VPS8: variants seen among roughly 807,000 people sequenced by gnomAD.
The protein encoded by VPS8 is vacuolar protein sorting-associated protein 8 homolog.
In VPS8, 129 loss-of-function variants were observed where a neutral mutation model predicts 216.4. The ratio of observed to expected loss-of-function variants is 0.60; its 90% CI spans 0.52 to 0.69. VPS8 has a LOEUF of 0.69. Among genes scored for constraint, VPS8 ranks in the 30% least tolerant of loss-of-function variants. VPS8 has a pLI of 0.00. For missense variants in VPS8, 1,531 were observed against 1,683.5 expected (o/e 0.91, Z 1.59); for synonymous variants, 571 against 565.4 (o/e 1.01, Z -0.14).
At chr3:184,982,478 A>G in intron 40 of VPS8, 88 bp from the exon 41 acceptor site, 1 of 929,692 alleles carries the variant, frequency 1.1e-6, no homozygotes, top group Non-Finnish European at 1.7e-6. Context: ...CAACCTGTAA[A>G]ACATCATGCT....
At position 184,925,053 on chromosome 3, in the gene VPS8, T is replaced by C. The variant is rs920565448; in HGVS notation, c.2574+72T>C. ...CGCACAGTTCCCTGGATTACACTGT[T>C]TCCTGATGTGACAGACTATTGGGTA... On this transcript the variant is annotated intron_variant, in intron 30 of 47. Coordinates refer to ENST00000625842, the MANE Select transcript of VPS8 (RefSeq NM_001009921.3). 1.6e-5 allele frequency: 24 copies of C among 1,518,238 alleles called. No homozygotes were observed. In the African/African-American group the frequency reaches 3.3e-4, roughly 21 times the overall value. The allele number at this position is 1,518,238 out of a possible 1,614,324, so 94.0% of individuals were successfully genotyped here. A position where few individuals can be genotyped will look rare whatever the true frequency, so the allele number is the denominator to read the frequency against.
At chr3:184,892,608 A>G (rs1308211332) in intron 22 of VPS8, among the ~76,000 whole-genome samples, 1 of 152,234 alleles carries the variant, frequency 6.6e-6, no homozygotes, top group Non-Finnish European at 1.5e-5. Context: ...GAATATAAAA[A>G]AAATTTTATT....
At chr3:185,023,434 C>A (rs1756925002) in intron 45 of VPS8, among the ~76,000 whole-genome samples, 1 of 152,098 alleles carries the variant, frequency 6.6e-6, no homozygotes, top group Non-Finnish European at 1.5e-5. Flanking sequence ...GCAGCTCATG[C>A]CTGTAATCCC....
At chr3:184,858,724 T>C (rs1426500397) in intron 14 of VPS8, among the ~76,000 whole-genome samples, 2 of 152,178 alleles carry the variant, frequency 1.3e-5, no homozygotes, top group African/African-American at 4.8e-5. Flanking sequence ...TAAGCAGATA[T>C]TATTGTTCTT....
rs760698784 is a variant in VPS8 at position 184,982,559 on chromosome 3, A to G, written c.3421-7A>G. ...TTCTTTTTCTTTGATTTTCTCTGACATTATAGGCACTTTGGTTTCCGTTAT... is the reference window on the plus strand; with the variant it reads ...TTCTTTTTCTTTGATTTTCTCTGACGTTATAGGCACTTTGGTTTCCGTTAT... On this transcript the variant is annotated splice_polypyrimidine_tract_variant and splice_region_variant and intron_variant, in intron 40 of 47. Coordinates refer to ENST00000625842, the MANE Select transcript of VPS8 (RefSeq NM_001009921.3). 1.5e-5 allele frequency: 24 copies of G among 1,601,262 alleles called. No homozygotes were observed. The highest frequency in any genetic ancestry group is 2.0e-5 in the Non-Finnish European group (24 of 1,175,034).
chr3:184,928,988 CAATT>C (rs940875706), intron 32 of VPS8, among the ~76,000 whole-genome samples: 7 of 152,136 alleles, frequency 4.6e-5, no homozygotes, highest in African/African-American at 1.4e-4. Flanking sequence ...TGTAAATTAT[CAATT>C]AATATCTAAC....
At chr3:184,900,878 A>G (rs761588364) in intron 24 of VPS8, 43 bp from the exon 25 acceptor site, 1 of 1,514,932 alleles carries the variant, frequency 6.6e-7, no homozygotes, top group Admixed American at 1.9e-5. Flanking sequence ...AAATAATATC[A>G]TTTGAGATGA....
chr3:184,955,116 TC>T (rs1170478064), intron 36 of VPS8, among the ~76,000 whole-genome samples: 1 of 152,110 alleles, frequency 6.6e-6, no homozygotes, highest in African/African-American at 2.4e-5. Flanking sequence ...GAGTCTCCTT[TC>T]CTTGGAGGAG....
chr3:184,937,451 T>A (rs149601412), intron 35 of VPS8, among the ~76,000 whole-genome samples: 1 of 152,364 alleles, frequency 6.6e-6, no homozygotes, highest in Non-Finnish European at 1.5e-5. Context: ...TGCTCTACTC[T>A]CTACCAGTGT....
intron 39 of VPS8, among the ~76,000 whole-genome samples, chr3:184,967,707 C>G (rs1172752863): frequency 2.0e-5 from 3 of 151,880 alleles, no homozygotes; most frequent in African/African-American, 7.3e-5. Context: ...TGTGGTGGCA[C>G]ACACCTGTAG....
chr3:184,911,311 T>C (rs1375346041), intron 25 of VPS8, among the ~76,000 whole-genome samples: 8 of 152,226 alleles, frequency 5.3e-5, no homozygotes, highest in Admixed American at 5.2e-4. Context: ...ATGGGTAAGT[T>C]AAACAAATAC....
rs958247698 is a variant in VPS8, at chr3:184,839,758, T to G, written c.535+6T>G. The G allele has an allele frequency of 9.4e-6, 15 of 1,593,442 alleles. No individual in the cohort carries two copies. In the African/African-American group the frequency reaches 1.3e-4, roughly 14 times the overall value. On this transcript the variant is annotated splice_donor_region_variant and intron_variant, in intron 7 of 47. Transcript: ENST00000625842. ...TGGATTGGCTTTAATATTTGGTAAATTTTTAAGTGCTTTCCTGCTTTTAAA... is the reference window on the plus strand; with the variant it reads ...TGGATTGGCTTTAATATTTGGTAAAGTTTTAAGTGCTTTCCTGCTTTTAAA...
chr3:184,902,918 T>G lies in VPS8; in HGVS notation c.2146+1946T>G, dbSNP rs1453610801. Among the ~76,000 whole-genome samples the G allele has an allele frequency of 3.3e-4, 50 of 152,188 alleles. 1 individual carries two copies. The highest frequency in any genetic ancestry group is 3.3e-3 in the Admixed American group (50 of 15,284). Reference sequence around the variant, plus strand: ...CTTATAGAAATTTAATAGCTTTAACTCTTGCATTTAGGTCTATAATTCGTT... The same window carrying G: ...CTTATAGAAATTTAATAGCTTTAACGCTTGCATTTAGGTCTATAATTCGTT... On this transcript the variant is annotated intron_variant, in intron 25 of 47. Coordinates refer to ENST00000625842, the MANE Select transcript of VPS8 (RefSeq NM_001009921.3).
At chr3:185,001,388 G>A (rs1172139399) in intron 45 of VPS8, among the ~76,000 whole-genome samples, 2 of 152,124 alleles carry the variant, frequency 1.3e-5, no homozygotes, top group African/African-American at 4.8e-5. Context: ...ATGATTCACA[G>A]AACTCAGGAA....
At chr3:185,010,061 A>G (rs1435935116) in intron 45 of VPS8, among the ~76,000 whole-genome samples, 1 of 152,066 alleles carries the variant, frequency 6.6e-6, no homozygotes, top group African/African-American at 2.4e-5. Context: ...AAAGAGCCAG[A>G]AATAATGCTT....
At chr3:184,957,179 C>T (rs745626529) in intron 36 of VPS8, among the ~76,000 whole-genome samples, 195 bp from the exon 37 acceptor site, 2 of 152,190 alleles carry the variant, frequency 1.3e-5, no homozygotes, top group Non-Finnish European at 2.9e-5. Flanking sequence ...AATATTACAA[C>T]TTACAATGCC....
intron 1 of VPS8, among the ~76,000 whole-genome samples, chr3:184,820,766 A>T (rs1214805273): frequency 6.6e-6 from 1 of 152,228 alleles, no homozygotes; most frequent in Non-Finnish European, 1.5e-5. Flanking sequence ...GGAAGGGGAC[A>T]TAGTTGGCTT....
At position 184,984,194 on chromosome 3, in the gene VPS8, A is replaced by ACAAAAAAAAACAAAAAAACTCACCAAG. The variant is rs1553894892; in HGVS notation, c.3585+1101_3585+1102insAAAAAAAAACAAAAAAACTCACCAAGC. On this transcript the variant is annotated intron_variant, in intron 42 of 47. Transcript: ENST00000625842. ...GCGAGACTCCGTCTCAAAAAAAAAA[A>ACAAAAAAAAACAAAAAAACTCACCAAG]CTCTACTTCCCATCTGATATTAAGC... 4.3e-5 allele frequency among the ~76,000 whole-genome samples: 2 copies of ACAAAAAAAAACAAAAAAACTCACCAAG among 46,528 alleles called. 1 individual carries two copies. Among genetic ancestry groups the ACAAAAAAAAACAAAAAAACTCACCAAG allele is most frequent in the East Asian group, 1.5e-3 (2 of 1,376 alleles). The allele number at this position is 46,528 out of a possible 152,430, so 30.5% of individuals were successfully genotyped here. A position where few individuals can be genotyped will look rare whatever the true frequency, so the allele number is the denominator to read the frequency against.
chr3:185,019,933 A>G (rs1322385756), intron 45 of VPS8, among the ~76,000 whole-genome samples: 1 of 152,204 alleles, frequency 6.6e-6, no homozygotes, highest in Non-Finnish European at 1.5e-5. Flanking sequence ...TGTGAAAAAT[A>G]TTTTTTAAAC....
Sources: allele counts gnomAD v4.1 joint callset (sites outside exome capture counted in the v4.1 genomes callset), GRCh38; gene constraint gnomAD v4.1.1; transcripts MANE v1.5; gene names NCBI Gene and HGNC (gene_info 2026-07-23, HGNC 2026-07-21).